The following RIF1 variants were observed in gnomAD, a reference collection of about 807,000 sequenced individuals.
RIF1 encodes the protein telomere-associated protein RIF1.
In RIF1, 45 loss-of-function variants were observed where a neutral mutation model predicts 247.1. The ratio of observed to expected loss-of-function variants is 0.18; its 90% CI spans 0.14 to 0.23. The LOEUF (loss-of-function observed/expected upper bound fraction) is 0.23. Among genes scored for constraint, RIF1 ranks in the 10% least tolerant of loss-of-function variants. RIF1 has a pLI of 1.00. For missense variants in RIF1, 2,967 were observed against 2,862.5 expected, an observed-to-expected ratio of 1.04 and a Z score of -0.83; for synonymous variants, 1,087 against 978.8, an observed-to-expected ratio of 1.11 and a Z score of -2.06.
In RIF1 at chr2:151,475,036, C is replaced by T. The variant is rs747806950; in HGVS notation, c.7384C>T (p.Arg2462Cys). 1.2e-6 allele frequency: 2 copies of T among 1,612,734 alleles called. No individual in the cohort carries two copies. Among genetic ancestry groups the T allele is most frequent in the Non-Finnish European group, 1.7e-6 (2 of 1,179,194 alleles). Reference sequence around the variant, plus strand: ...CTCTGTAATAAAAAATCTACAGTCACGTTGGAGATCACCATCCCATGAAAA... The same window carrying T: ...CTCTGTAATAAAAAATCTACAGTCATGTTGGAGATCACCATCCCATGAAAA... ...ANSVIKNLQS[R>C]WRSPSHENSI Residue 2462 changes from arginine to cysteine, a missense_variant, in exon 36 of 36, where the codon CGT (arginine) becomes TGT (cysteine). Arg to Cys is a radical substitution (Grantham distance 180). This residue lies in a region of RIF1 where 151 missense variants were observed against 163.4 expected (regional missense o/e 0.92). Transcript: ENST00000444746.
intron 12 of RIF1, among the ~76,000 whole-genome samples, chr2:151,505,237 A>C (rs956570425): frequency 1.3e-5 from 2 of 152,196 alleles, no homozygotes; most frequent in African/African-American, 2.4e-5. Context: ...CAAGTCCATG[A>C]GCTTCAAGTC....
intron 5 of RIF1, 55 bp downstream of exon 5, chr2:151,416,743 A>G: frequency 6.2e-7 from 1 of 1,600,762 alleles, no homozygotes; most frequent in East Asian, 2.2e-5. Flanking sequence ...AAAAGAAAAA[A>G]CTATAATGCC....
intron 34 of RIF1, among the ~76,000 whole-genome samples, chr2:151,472,118 T>C (rs2048582618): frequency 6.6e-6 from 1 of 152,194 alleles, no homozygotes; most frequent in Non-Finnish European, 1.5e-5. Flanking sequence ...AGGTATTTTA[T>C]TCTCTTTGAA....
chr2:151,410,262 G>A, intron 1 of RIF1, 152 bp from the exon 2 acceptor site: 2 of 654,466 alleles, frequency 3.1e-6, no homozygotes, highest in Non-Finnish European at 5.4e-6. Flanking sequence ...GTTCGCGCTG[G>A]GGTTTGGTGA....
chr2:151,411,241 GTTC>G lies in RIF1; in HGVS notation c.105-15_105-13del. The G allele has an allele frequency of 1.3e-6, 2 of 1,487,614 alleles. No homozygotes were observed. The highest frequency in any genetic ancestry group is 1.8e-6 in the Non-Finnish European group (2 of 1,085,748). 92.2% of individuals were successfully genotyped at this position (1,487,614 alleles called of 1,614,324 possible). ...TTTCCTGTCAACTACTTAAACTTGT[GTTC>G]TTCCTGCTTTTTAAGTCGTATGACT... On this transcript the variant is annotated splice_polypyrimidine_tract_variant and intron_variant, in intron 2 of 35. Coordinates refer to ENST00000444746, the MANE Select transcript of RIF1 (RefSeq NM_018151.5).
Position 151,463,914 on chromosome 2 carries a change from A to C in RIF1, c.4394A>C (p.Lys1465Thr). ...CATATAAAAGATGATGTGTTACCTA[A>C]ACAAAAACTGATTGCTGAACAAACT... ...PLHIKDDVLP[K>T]QKLIAEQTLQ... The change falls in exon 30 of 36, where the codon AAA becomes ACA. Residue 1465 changes from lysine to threonine, a missense_variant. By Grantham distance (78) the Lys-to-Thr change is moderately conservative. Coordinates refer to ENST00000444746, the MANE Select transcript of RIF1 (RefSeq NM_018151.5). The C allele has an allele frequency of 6.2e-7, 1 of 1,613,602 alleles. No homozygotes were observed. The highest frequency in any genetic ancestry group is 8.5e-7 in the Non-Finnish European group (1 of 1,179,890).
chr2:151,534,157 T>G, the RIF1 span: 1 of 1,242,722 alleles, frequency 8.0e-7, no homozygotes, highest in Non-Finnish European at 1.2e-6. Flanking sequence ...GGATGACATC[T>G]CATGAGAAAC....
chr2:151,527,522 CCGG>C, the RIF1 span: 2 of 1,613,316 alleles, frequency 1.2e-6, no homozygotes, highest in African/African-American at 2.7e-5. Context: ...TGGAGGAAGT[CCGG>C]TCGGTCAGGA....
At chr2:151,422,250 T>G (rs2152199217) in intron 7 of RIF1, among the ~76,000 whole-genome samples, 1 of 152,270 alleles carries the variant, frequency 6.6e-6, no homozygotes, top group Non-Finnish European at 1.5e-5. Flanking sequence ...ATTAATGTAT[T>G]TTTTCATTAT....
At chr2:151,489,876 GGTTAAAAAAAACC>G in intron 9 of RIF1, 1 of 853,584 alleles carries the variant, frequency 1.2e-6, no homozygotes. Flanking sequence ...TAGAAGGTTT[GGTTAAAAAAAACC>G]GTAATACCTA....
At chr2:151,413,054 T>TC (rs1686550477) in intron 3 of RIF1, among the ~76,000 whole-genome samples, 1 of 152,138 alleles carries the variant, frequency 6.6e-6, no homozygotes. Flanking sequence ...GCATACTTTT[T>TC]TTTTTTTTGA....
chr2:151,457,000 C>T (rs923383193), intron 23 of RIF1, among the ~76,000 whole-genome samples: 18 of 152,150 alleles, frequency 1.2e-4, no homozygotes, highest in Non-Finnish European at 2.5e-4. Context: ...TCCCGAAGTG[C>T]TAAGATTACA....
intron 6 of RIF1, 120 bp downstream of exon 6, chr2:151,417,021 A>C: frequency 8.7e-5 from 59 of 675,786 alleles, no homozygotes; most frequent in East Asian, 2.8e-4. Context: ...ATTTACACCA[A>C]ACGACTCAAG....
intron 13 of RIF1, chr2:151,506,446 G>A: frequency 1.8e-6 from 1 of 541,448 alleles, no homozygotes; most frequent in Non-Finnish European, 3.3e-6. Flanking sequence ...ATACAACATG[G>A]ATCTTTCCAG....
intron 10 of RIF1, 104 bp downstream of exon 10, chr2:151,433,332 G>A: frequency 1.3e-6 from 1 of 779,458 alleles, no homozygotes; most frequent in Non-Finnish European, 2.0e-6. Flanking sequence ...TTTATTAGCA[G>A]ACTAGAACAT....
chr2:151,497,794 A>G, intron 10 of RIF1: 2 of 1,540,442 alleles, frequency 1.3e-6, no homozygotes. Flanking sequence ...AGGATGAGGA[A>G]AAAACACAGT....
rs1247498985 is a variant in RIF1, at chr2:151,464,351, G to A, written c.4831G>A (p.Asp1611Asn). The change falls in exon 30 of 36, where the codon GAT becomes AAT. Residue 1611 changes from aspartate to asparagine, a missense_variant. Transcript: ENST00000444746. Reference protein sequence around the residue: ...SHDYKATSEEDVSIKSPICEK... With the variant: ...SHDYKATSEENVSIKSPICEK... ...TGATTATAAAGCAACTTCTGAAGAAGATGTAAGCATAAAATCTCCGATTTG... is the reference window on the plus strand; with the variant it reads ...TGATTATAAAGCAACTTCTGAAGAAAATGTAAGCATAAAATCTCCGATTTG... 1 of 1,610,766 alleles carries A rather than the reference G, an allele frequency of 6.2e-7. No individual in the cohort carries two copies. Among genetic ancestry groups the A allele is most frequent in the Non-Finnish European group, 8.5e-7 (1 of 1,179,046 alleles).
the RIF1 span, among the ~76,000 whole-genome samples, chr2:151,522,354 T>A: frequency 6.6e-6 from 1 of 152,182 alleles, no homozygotes; most frequent in Non-Finnish European, 1.5e-5. Flanking sequence ...CTTCAGTATA[T>A]TAAAAATCAA....
chr2:151,502,957 G>T, intron 11 of RIF1: 1 of 902,024 alleles, frequency 1.1e-6, no homozygotes, highest in Non-Finnish European at 1.7e-6. Flanking sequence ...AGGAAATGGG[G>T]GAAGGGGTTA....
Sources: allele counts gnomAD v4.1 joint callset (sites outside exome capture counted in the v4.1 genomes callset), GRCh38; gene constraint gnomAD v4.1.1; regional missense constraint gnomAD v4.1.1; transcripts MANE v1.5; gene names NCBI Gene and HGNC (gene_info 2026-07-23, HGNC 2026-07-21).